Variants in RRM2 observed in about 807,000 individuals in gnomAD.
RRM2 encodes ribonucleoside-diphosphate reductase subunit M2.
Under a neutral mutation model 45.9 loss-of-function variants are expected in RRM2, and 6 were observed. That is an observed-to-expected ratio of 0.13 (90% CI 0.07 to 0.26). The LOEUF is 0.26. Among genes scored for constraint, RRM2 ranks in the 10% least tolerant of loss-of-function variants. The probability of loss-of-function intolerance (pLI) is 1.00; values close to 1 mark genes in which losing one functional copy is unlikely to be tolerated. For synonymous variants in RRM2, 177 were observed against 173.0 expected (o/e 1.02, Z -0.18); for missense variants, 343 against 489.5 (o/e 0.70, Z 2.82).
chr2:10,126,841 T>C, intron 5 of RRM2, 34 bp from the exon 6 acceptor site: 1 of 1,542,274 alleles, frequency 6.5e-7, no homozygotes, highest in South Asian at 1.1e-5. Flanking sequence ...TTTACTGTAA[T>C]GCTTCAATTG....
intron 3 of RRM2, among the ~76,000 whole-genome samples, chr2:10,150,525 C>A (rs62129919): frequency 0.064 from 9,208 of 143,586 alleles, 359 homozygotes; most frequent in Middle Eastern, 0.12. Context: ...TTTTTTTCGA[C>A]TTTATTGGTG....
At chr2:10,194,537 C>A (rs1383879931) in intron 3 of RRM2, among the ~76,000 whole-genome samples, 1 of 152,242 alleles carries the variant, frequency 6.6e-6, no homozygotes, top group Non-Finnish European at 1.5e-5. Flanking sequence ...CCTGGGCTAA[C>A]GGTGCACTTC....
upstream of RRM2, chr2:10,122,736 C>G (rs1662681031): frequency 3.9e-6 from 6 of 1,552,806 alleles, no homozygotes; most frequent in Non-Finnish European, 5.2e-6. Context: ...TGAGGGGTCG[C>G]CCGTGCACCC....
intron 3 of RRM2, among the ~76,000 whole-genome samples, chr2:10,176,705 T>C (rs928260821): frequency 6.6e-6 from 1 of 152,266 alleles, no homozygotes; most frequent in Admixed American, 6.5e-5. Context: ...TTATAATTGC[T>C]GTGTTAAGGA....
chr2:10,138,795 TCA>T (rs2125311068), upstream of RRM2, among the ~76,000 whole-genome samples: 2 of 152,228 alleles, frequency 1.3e-5, no homozygotes, highest in South Asian at 4.2e-4. Flanking sequence ...CACGTGCCAT[TCA>T]GTTTGCCCAT....
chr2:10,180,378 C>A (rs1422715167), intron 3 of RRM2, among the ~76,000 whole-genome samples: 1 of 152,186 alleles, frequency 6.6e-6, no homozygotes, highest in African/African-American at 2.4e-5. Flanking sequence ...ATTTCCGTCA[C>A]CCTGGAGAGA....
In RRM2 at chr2:10,171,070, C is replaced by G. The variant is rs1353578676; in HGVS notation, n.482+28695C>G. On this transcript the variant is annotated intron_variant and non_coding_transcript_variant, in intron 3 of 3. Transcript: ENST00000381786. The surrounding 1 kb of genome is among the most constrained non-coding windows in gnomAD (Gnocchi z 4.1). ...GACCCTCCACACTGAGCAGACCCAG[C>G]ACAGGCTGCGCCACTCATCATTATA... is the stretch of plus-strand genomic sequence containing the variant. Among the ~76,000 whole-genome samples, 1 of 152,212 alleles carries G rather than the reference C, an allele frequency of 6.6e-6. No homozygotes were observed. Among genetic ancestry groups the G allele is most frequent in the Non-Finnish European group, 1.5e-5 (1 of 68,036 alleles).
chr2:10,184,472 C>T (rs1664122809), intron 3 of RRM2, among the ~76,000 whole-genome samples: 1 of 152,250 alleles, frequency 6.6e-6, no homozygotes, highest in African/African-American at 2.4e-5. Context: ...ATGAAAGTCT[C>T]ACGTTGTGGG....
intron 3 of RRM2, among the ~76,000 whole-genome samples, chr2:10,144,448 T>C (rs545811503): frequency 2.6e-5 from 4 of 152,304 alleles, no homozygotes; most frequent in African/African-American, 9.6e-5. Flanking sequence ...GTTCTAGAGA[T>C]TTCTGGGGCC....
Position 10,129,514 on chromosome 2 carries a change from CTG to C in RRM2, c.*132_*133del, listed in dbSNP as rs776799796. On this transcript the variant is annotated 3_prime_UTR_variant, in exon 10 of 10. Transcript: ENST00000304567. This position sits in a 1 kb window ranked among gnomAD's most constrained non-coding sequence, Gnocchi z 4.8. Reference sequence around the variant, plus strand: ...ATGTTCATTAACAGCATCTTTAAAACTGTGTAGCTACCTCACAACCAGTCCTG... The same window carrying C: ...ATGTTCATTAACAGCATCTTTAAAACTGTAGCTACCTCACAACCAGTCCTG... 34 of 967,800 alleles carry C rather than the reference CTG, an allele frequency of 3.5e-5. No individual in the cohort carries two copies. Among genetic ancestry groups the C allele is most frequent in the Admixed American group, 4.7e-5 (2 of 42,602 alleles). The allele number at this position is 967,800 out of a possible 1,614,324, so 60.0% of individuals were successfully genotyped here. A position where few individuals can be genotyped will look rare whatever the true frequency, so the allele number is the denominator to read the frequency against.
intron 3 of RRM2, among the ~76,000 whole-genome samples, chr2:10,191,498 C>A (rs1664305430): frequency 6.6e-6 from 1 of 152,184 alleles, no homozygotes; most frequent in African/African-American, 2.4e-5. Flanking sequence ...GAGGCTGTGC[C>A]TGTGAGCGGC....
In RRM2 at chr2:10,128,962, G is replaced by A. The variant is rs1464695199; in HGVS notation, c.903+10G>A. 2 of 1,608,186 alleles carry A rather than the reference G, an allele frequency of 1.2e-6. No homozygotes were observed. Among genetic ancestry groups the A allele is most frequent in the South Asian group, 1.1e-5 (1 of 90,952 alleles). On this transcript the variant is annotated intron_variant, in intron 8 of 9. Transcript: ENST00000304567. ...TGTTCGGATAGAACAGGTAAAGTGG[G>A]TGATGAAATGGGTCACTCAAGCTTG...
chr2:10,207,020 C>T (rs149150505), intron 3 of RRM2, among the ~76,000 whole-genome samples: 14 of 152,306 alleles, frequency 9.2e-5, no homozygotes, highest in East Asian at 1.9e-4. Context: ...AGGTTTCGGA[C>T]GGAAGGTCTG....
chr2:10,146,800 G>A (rs1009132668), intron 3 of RRM2, among the ~76,000 whole-genome samples: 12 of 152,244 alleles, frequency 7.9e-5, no homozygotes, highest in African/African-American at 2.7e-4. Flanking sequence ...TTTTGAGCAC[G>A]GGGAAAGTGT....
chr2:10,194,664 A>T (rs1664377285), intron 3 of RRM2, among the ~76,000 whole-genome samples: 1 of 152,196 alleles, frequency 6.6e-6, no homozygotes, highest in Non-Finnish European at 1.5e-5. Context: ...CCAAGTTAGC[A>T]CTTGCTGCCT....
upstream of RRM2, among the ~76,000 whole-genome samples, chr2:10,137,357 A>G (rs545874368): frequency 1.3e-3 from 196 of 152,152 alleles, no homozygotes; most frequent in Middle Eastern, 3.4e-3. Flanking sequence ...TCCTAAAACC[A>G]CCAGCTGGCC....
chr2:10,197,703 C>T lies in RRM2; in HGVS notation n.483-12608C>T, dbSNP rs530794598. Among the ~76,000 whole-genome samples, 7 of 152,308 alleles carry T rather than the reference C, an allele frequency of 4.6e-5. No individual in the cohort carries two copies. The South Asian group carries it at 1.4e-3, about 32-fold the overall frequency. The stretch of plus-strand genomic sequence containing the variant: ...AACCTTTAAGTTGAAGATAAAGTCA[C>T]TTTTGCAATACTAAAGACCAACAGA... On this transcript the variant is annotated intron_variant and non_coding_transcript_variant, in intron 3 of 3. Transcript: ENST00000381786.
At chr2:10,155,260 T>C in intron 3 of RRM2, 2 of 197,452 alleles carry the variant, frequency 1.0e-5, no homozygotes, top group Admixed American at 5.9e-5. Flanking sequence ...TGAAAATGGT[T>C]AGATAAATTG....
At chr2:10,187,583 G>A (rs1186257770) in intron 3 of RRM2, among the ~76,000 whole-genome samples, 1 of 152,200 alleles carries the variant, frequency 6.6e-6, no homozygotes, top group Admixed American at 6.5e-5. Context: ...GGGTCACTGA[G>A]AGAAGGGAAA....
Sources: gnomAD v4.1 joint callset for allele counts (sites outside exome capture counted in the v4.1 genomes callset) on GRCh38, gnomAD v4.1.1 for gene constraint, Gnocchi (gnomAD v3.1) non-coding constraint, MANE v1.5 for transcripts, NCBI Gene and HGNC (gene_info 2026-07-23, HGNC 2026-07-21) for gene names.